SPIN1: variants seen among roughly 807,000 people sequenced by gnomAD.
SPIN1 encodes the protein spindlin 1, also known as spindlin-1.
Under a neutral mutation model 26.0 loss-of-function variants are expected in SPIN1, and 3 were observed. That is an observed-to-expected ratio of 0.12 (90% CI 0.05 to 0.30). The LOEUF is 0.30. SPIN1 is among the 10% of genes least tolerant of loss of function. The pLI is 1.00. For synonymous variants in SPIN1, 101 were observed against 116.5 expected, an observed-to-expected ratio of 0.87 and a Z score of 0.86; for missense variants, 126 against 333.4, an observed-to-expected ratio of 0.38 and a Z score of 4.84.
intron 2 of SPIN1, among the ~76,000 whole-genome samples, chr9:88,434,525 A>G (rs186476402): frequency 6.6e-6 from 1 of 152,042 alleles, no homozygotes; most frequent in East Asian, 1.9e-4. Flanking sequence ...GGGTGATATA[A>G]CTCCCCATTT....
chr9:88,462,822 CAT>C, intron 4 of SPIN1, 73 bp downstream of exon 4: 1 of 1,447,064 alleles, frequency 6.9e-7, no homozygotes, highest in East Asian at 2.3e-5. Context: ...TTTTATTTTA[CAT>C]TATTAATACT....
intron 3 of SPIN1, among the ~76,000 whole-genome samples, chr9:88,459,833 C>T (rs1382386000): frequency 6.6e-6 from 1 of 152,160 alleles, no homozygotes; most frequent in African/African-American, 2.4e-5. Flanking sequence ...TGTTTGCGGC[C>T]TTTATACTTG....
At chr9:88,408,267 C>G (rs531553214) in intron 1 of SPIN1, among the ~76,000 whole-genome samples, 1 of 144,884 alleles carries the variant, frequency 6.9e-6, no homozygotes, top group Admixed American at 6.9e-5. Flanking sequence ...TTTACCCCCT[C>G]CCCCCACCTT....
At chr9:88,438,435 T>C (rs949437782) in intron 2 of SPIN1, among the ~76,000 whole-genome samples, 1 of 152,198 alleles carries the variant, frequency 6.6e-6, no homozygotes, top group South Asian at 2.1e-4. Context: ...TTGTATTCTT[T>C]TAAATTTGTG....
intron 1 of SPIN1, among the ~76,000 whole-genome samples, chr9:88,420,101 C>A (rs1447852830): frequency 6.6e-6 from 1 of 152,184 alleles, no homozygotes; most frequent in South Asian, 2.1e-4. Context: ...TCAGGCCAGG[C>A]GCGGTGGCTC....
intron 1 of SPIN1, among the ~76,000 whole-genome samples, chr9:88,422,714 C>CT (rs111780596): frequency 2.7e-3 from 385 of 144,702 alleles, no homozygotes; most frequent in African/African-American, 7.6e-3. Context: ...ACTCTTTTTT[C>CT]TTTTTTTTTT....
rs1828339401 is a variant in SPIN1 at position 88,450,817 on chromosome 9, CAG to C, written c.101+1830_101+1831del. Reference sequence around the variant, plus strand: ...AGATGGGTAGAAGGAAAGGCTGAAACAGAAGTTTCCACATTCACGAATGATGA... The same window carrying C: ...AGATGGGTAGAAGGAAAGGCTGAAACAAGTTTCCACATTCACGAATGATGA... On this transcript the variant is annotated intron_variant, in intron 3 of 5. Coordinates refer to ENST00000375859, the MANE Select transcript of SPIN1 (RefSeq NM_006717.3). Among the ~76,000 whole-genome samples, 6 of 152,278 alleles carry C rather than the reference CAG, an allele frequency of 3.9e-5. No homozygotes were observed. The South Asian group carries it at 1.2e-3, about 32-fold the overall frequency.
At chr9:88,405,583 AC>A (rs1330358077) in intron 1 of SPIN1, among the ~76,000 whole-genome samples, 1 of 93,404 alleles carries the variant, frequency 1.1e-5, no homozygotes, top group Non-Finnish European at 2.0e-5. Flanking sequence ...CGCTCTCGTT[AC>A]CCAGGCTGGA....
chr9:88,465,651 T>A (rs996873286), intron 4 of SPIN1, among the ~76,000 whole-genome samples: 2 of 152,210 alleles, frequency 1.3e-5, no homozygotes, highest in African/African-American at 4.8e-5. Context: ...TTATTTTGAT[T>A]TTTGTTGAGT....
intron 4 of SPIN1, among the ~76,000 whole-genome samples, chr9:88,466,110 T>C (rs1306628628): frequency 6.6e-6 from 1 of 152,236 alleles, no homozygotes; most frequent in Non-Finnish European, 1.5e-5. Flanking sequence ...TGGTAGGCAT[T>C]ATCTATGTAA....
intron 1 of SPIN1, among the ~76,000 whole-genome samples, chr9:88,412,032 A>G (rs2117963363): frequency 6.6e-6 from 1 of 150,448 alleles, no homozygotes; most frequent in East Asian, 2.0e-4. Flanking sequence ...AAAAAAAAAT[A>G]GCTGGGCCTT....
rs577755648 is a variant in SPIN1, at chr9:88,404,923, A to C, written c.-159+16385A>C. Among the ~76,000 whole-genome samples, 92 of 97,526 alleles carry C rather than the reference A, an allele frequency of 9.4e-4. 1 individual carries two copies. In the Middle Eastern group the frequency reaches 0.015, roughly 16 times the overall value. The allele number at this position is 97,526 out of a possible 152,430, so 64.0% of individuals were successfully genotyped here. ...AGAGTGAGATTTCGTCTCAAAAAAA[A>C]AAAAAACAAAAAAAAAAAAACTAAG... On this transcript the variant is annotated intron_variant, in intron 1 of 5. Coordinates refer to ENST00000375859, the MANE Select transcript of SPIN1 (RefSeq NM_006717.3).
chr9:88,433,905 T>C (rs1827937995), intron 2 of SPIN1, among the ~76,000 whole-genome samples: 1 of 152,092 alleles, frequency 6.6e-6, no homozygotes, highest in Admixed American at 6.5e-5. Flanking sequence ...TTTTTTGTTT[T>C]TTTTTTTCTC....
At chr9:88,410,677 A>G (rs1386843501) in intron 1 of SPIN1, 2 of 1,373,646 alleles carry the variant, frequency 1.5e-6, no homozygotes, top group Non-Finnish European at 1.0e-6. Context: ...CGTGGGTCCA[A>G]AATTTGAAGA....
chr9:88,436,988 A>T (rs1163910873), intron 2 of SPIN1, among the ~76,000 whole-genome samples: 1 of 150,994 alleles, frequency 6.6e-6, no homozygotes, highest in African/African-American at 2.4e-5. Context: ...GATGGTCTCG[A>T]TCTCCTGACC....
At chr9:88,459,983 T>G (rs897843847) in intron 3 of SPIN1, among the ~76,000 whole-genome samples, 5 of 152,220 alleles carry the variant, frequency 3.3e-5, no homozygotes, top group African/African-American at 1.2e-4. Flanking sequence ...TTACACATGA[T>G]TTGGTCCTTT....
intron 1 of SPIN1, among the ~76,000 whole-genome samples, 187 bp from the exon 2 acceptor site, chr9:88,426,195 C>T (rs1827762616): frequency 6.6e-6 from 1 of 152,122 alleles, no homozygotes; most frequent in South Asian, 2.1e-4. Context: ...AAGAGTCTAT[C>T]ACCTCTTTTT....
At chr9:88,401,892 A>G (rs1827194544) in intron 1 of SPIN1, among the ~76,000 whole-genome samples, 2 of 152,228 alleles carry the variant, frequency 1.3e-5, no homozygotes, top group Admixed American at 1.3e-4. Flanking sequence ...TTAATACATA[A>G]TATTTTACAT....
At chr9:88,460,350 T>C (rs993530419) in intron 3 of SPIN1, among the ~76,000 whole-genome samples, 1 of 152,208 alleles carries the variant, frequency 6.6e-6, no homozygotes, top group Non-Finnish European at 1.5e-5. Flanking sequence ...TTTCAAATTA[T>C]TGATTCTTTA....
Sources: gnomAD v4.1 joint callset for allele counts (sites outside exome capture counted in the v4.1 genomes callset) on GRCh38, gnomAD v4.1.1 for gene constraint, MANE v1.5 for transcripts, NCBI Gene and HGNC (gene_info 2026-07-23, HGNC 2026-07-21) for gene names.